Variants in MAGI2 observed in about 807,000 individuals in gnomAD.
MAGI2 encodes membrane-associated guanylate kinase, WW and PDZ domain-containing protein 2.
Under a neutral mutation model 133.3 loss-of-function variants are expected in MAGI2, and 35 were observed. The observed-to-expected ratio is 0.26, with a 90% CI of 0.20 to 0.35. MAGI2 has a LOEUF of 0.35. Among genes scored for constraint, MAGI2 ranks in the 10% least tolerant of loss-of-function variants. The pLI, the probability that MAGI2 is intolerant of heterozygous loss-of-function variation, is 1.00. For missense variants in MAGI2, 1,636 were observed against 1,863.4 expected (o/e 0.88, Z 2.25); for synonymous variants, 729 against 710.6 (o/e 1.03, Z -0.41).
chr7:79,083,429 G>T (rs2129542024), intron 1 of MAGI2, among the ~76,000 whole-genome samples: 1 of 150,752 alleles, frequency 6.6e-6, no homozygotes, highest in Admixed American at 6.6e-5. Flanking sequence ...TACATATATT[G>T]AAAATATTAT....
chr7:79,428,376 A>G (rs10239996), intron 1 of MAGI2, among the ~76,000 whole-genome samples: 73,889 of 152,030 alleles, frequency 0.49, 19,892 homozygotes, highest in African/African-American at 0.73. Flanking sequence ...TGAAGCAGTA[A>G]TTCTACAAGC....
At chr7:78,374,335 T>C (rs989852134) in intron 6 of MAGI2, among the ~76,000 whole-genome samples, 2 of 152,174 alleles carry the variant, frequency 1.3e-5, no homozygotes, top group Admixed American at 6.6e-5. Flanking sequence ...TATCTTTATA[T>C]GCTTGTTGGC....
intron 1 of MAGI2, among the ~76,000 whole-genome samples, chr7:79,312,422 G>A (rs958843423): frequency 2.4e-4 from 37 of 152,174 alleles, no homozygotes; most frequent in African/African-American, 7.7e-4. Flanking sequence ...CTTCCCCTGG[G>A]AACCTTTATT....
chr7:79,160,496 A>G (rs112497860), intron 1 of MAGI2, among the ~76,000 whole-genome samples: 2,449 of 152,172 alleles, frequency 0.016, 69 homozygotes, highest in African/African-American at 0.055. Context: ...TTCTTAAAAA[A>G]TCTTTACTAT....
chr7:79,043,583 AC>A (rs1313022808), intron 1 of MAGI2, among the ~76,000 whole-genome samples: 1 of 151,414 alleles, frequency 6.6e-6, no homozygotes, highest in Admixed American at 6.6e-5. Flanking sequence ...GACACAAAAA[AC>A]CATACAAAAG....
chr7:79,053,437 T>C (rs1812861033), intron 1 of MAGI2, among the ~76,000 whole-genome samples: 1 of 152,164 alleles, frequency 6.6e-6, no homozygotes, highest in African/African-American at 2.4e-5. Flanking sequence ...AAATTCTTCA[T>C]CTATGAACAC....
At chr7:79,417,876 AAAC>A (rs1336514486) in intron 1 of MAGI2, among the ~76,000 whole-genome samples, 1 of 152,170 alleles carries the variant, frequency 6.6e-6, no homozygotes, top group African/African-American at 2.4e-5. Context: ...AACAAAGAGA[AAAC>A]AACAACTACC....
At chr7:78,829,221 T>A (rs543450657) in intron 2 of MAGI2, among the ~76,000 whole-genome samples, 99 of 152,224 alleles carry the variant, frequency 6.5e-4, no homozygotes, top group African/African-American at 2.3e-3. Flanking sequence ...AGTGTCCATC[T>A]AGGTTACAAG....
chr7:79,041,446 A>G (rs1811660790), intron 1 of MAGI2, among the ~76,000 whole-genome samples: 1 of 152,204 alleles, frequency 6.6e-6, no homozygotes, highest in Non-Finnish European at 1.5e-5. Flanking sequence ...TAGTTATAAC[A>G]AGAATCAGAT....
intron 1 of MAGI2, among the ~76,000 whole-genome samples, chr7:79,104,144 T>C (rs1474896827): frequency 1.3e-5 from 2 of 152,192 alleles, no homozygotes; most frequent in Admixed American, 6.5e-5. Flanking sequence ...AAAACCATTC[T>C]AAACAACAAA....
At chr7:78,247,108 C>A (rs568291569) in intron 10 of MAGI2, among the ~76,000 whole-genome samples, 1 of 152,258 alleles carries the variant, frequency 6.6e-6, no homozygotes, top group Non-Finnish European at 1.5e-5. Context: ...TATGCTGCAG[C>A]TGCATATTGA....
At chr7:79,323,427 G>A (rs1247590853) in intron 1 of MAGI2, among the ~76,000 whole-genome samples, 4 of 152,190 alleles carry the variant, frequency 2.6e-5, no homozygotes, top group African/African-American at 9.7e-5. Flanking sequence ...GTATGGAGCA[G>A]TTTAATGTGA....
chr7:78,667,394 TTTA>T (rs953861166), intron 2 of MAGI2, among the ~76,000 whole-genome samples: 4 of 151,572 alleles, frequency 2.6e-5, no homozygotes, highest in African/African-American at 4.8e-5. Context: ...TTTAAAAAAT[TTTA>T]TTATTATTAT....
intron 1 of MAGI2, among the ~76,000 whole-genome samples, chr7:79,064,936 G>A (rs993270731): frequency 6.6e-5 from 10 of 152,088 alleles, no homozygotes; most frequent in Non-Finnish European, 2.9e-5. Flanking sequence ...TACAGTCCAT[G>A]TGATCTAGTG....
intron 2 of MAGI2, among the ~76,000 whole-genome samples, chr7:78,866,990 A>T (rs1794614223): frequency 6.6e-6 from 1 of 151,866 alleles, no homozygotes; most frequent in African/African-American, 2.4e-5. Context: ...CCACAATGAG[A>T]TATCATCTCA....
intron 2 of MAGI2, among the ~76,000 whole-genome samples, chr7:78,727,705 C>G (rs1052332567): frequency 6.6e-6 from 1 of 152,216 alleles, no homozygotes; most frequent in African/African-American, 2.4e-5. Context: ...AGACAAGAAA[C>G]TTGACAGCTA....
intron 2 of MAGI2, among the ~76,000 whole-genome samples, chr7:78,731,726 TGAGTGGGGG>T (rs1237614416): frequency 1.3e-5 from 2 of 152,128 alleles, no homozygotes; most frequent in Non-Finnish European, 2.9e-5. Context: ...GCTCATGAAA[TGAGTGGGGG>T]ACCATGACAT....
intron 2 of MAGI2, among the ~76,000 whole-genome samples, chr7:78,872,200 AT>A (rs1389486086): frequency 2.0e-5 from 3 of 151,692 alleles, no homozygotes; most frequent in South Asian, 4.2e-4. Context: ...AAATATAAAG[AT>A]TGAAAAAAAA....
intron 6 of MAGI2, among the ~76,000 whole-genome samples, chr7:78,447,373 A>G (rs993306170): frequency 6.6e-6 from 1 of 150,624 alleles, no homozygotes; most frequent in African/African-American, 2.5e-5. Flanking sequence ...GTGTTTCCAG[A>G]TGGCTAAAAA....
Sources: gnomAD v4.1 joint callset for allele counts (sites outside exome capture counted in the v4.1 genomes callset) on GRCh38, gnomAD v4.1.1 for gene constraint, MANE v1.5 for transcripts, NCBI Gene and HGNC (gene_info 2026-07-23, HGNC 2026-07-21) for gene names.